Variants in PTK2 observed in about 807,000 individuals in gnomAD.
The protein encoded by PTK2 is focal adhesion kinase 1.
A neutral mutation model predicts 150.1 loss-of-function variants in PTK2; 45 were observed. The ratio of observed to expected loss-of-function variants is 0.30; its 90% CI spans 0.24 to 0.38. PTK2 has a LOEUF of 0.38. Ranked by LOEUF, PTK2 falls within the 10% of genes least tolerant of loss-of-function variation. The probability of loss-of-function intolerance (pLI) is 1.00; values close to 1 mark genes in which losing one functional copy is unlikely to be tolerated. For synonymous variants in PTK2, 432 were observed against 449.2 expected, an observed-to-expected ratio of 0.96 and a Z score of 0.48; for missense variants, 919 against 1,307.3, an observed-to-expected ratio of 0.70 and a Z score of 4.58.
intron 1 of PTK2, among the ~76,000 whole-genome samples, chr8:140,969,256 C>A (rs2100186387): frequency 1.3e-5 from 2 of 152,102 alleles, no homozygotes; most frequent in African/African-American, 4.8e-5. Flanking sequence ...ACAGGAGGAA[C>A]CAGGAAAACC....
At chr8:140,853,177 C>A (rs1445601759) in intron 5 of PTK2, among the ~76,000 whole-genome samples, 1 of 147,468 alleles carries the variant, frequency 6.8e-6, no homozygotes, top group Non-Finnish European at 1.5e-5. Context: ...CAAACCTTTG[C>A]ATATGATGTC....
chr8:140,760,933 G>A (rs914989635), intron 16 of PTK2, among the ~76,000 whole-genome samples: 1 of 152,108 alleles, frequency 6.6e-6, no homozygotes, highest in African/African-American at 2.4e-5. Context: ...GATGACAAAG[G>A]CTGAAAGATT....
intron 13 of PTK2, among the ~76,000 whole-genome samples, chr8:140,791,025 T>C (rs1029074773): frequency 6.6e-6 from 1 of 152,246 alleles, no homozygotes; most frequent in African/African-American, 2.4e-5. Flanking sequence ...ACAGCAATAA[T>C]GGTGTCCTGC....
chr8:140,675,400 C>G, intron 28 of PTK2, 60 bp downstream of exon 31: 2 of 1,565,508 alleles, frequency 1.3e-6, no homozygotes, highest in Non-Finnish European at 1.8e-6. Context: ...TATATACATT[C>G]AAAACCTGCT....
intron 1 of PTK2, among the ~76,000 whole-genome samples, chr8:140,932,569 T>C (rs1246567314): frequency 6.6e-6 from 1 of 152,166 alleles, no homozygotes; most frequent in African/African-American, 2.4e-5. Flanking sequence ...CTAGTTTAAT[T>C]GAAATAATTA....
intron 1 of PTK2, among the ~76,000 whole-genome samples, chr8:140,942,291 A>G (rs1364842193): frequency 6.6e-6 from 1 of 152,244 alleles, no homozygotes; most frequent in Non-Finnish European, 1.5e-5. Context: ...TTTCATCAAT[A>G]TAAGAAATAG....
chr8:140,794,488 A>G (rs546192693), intron 12 of PTK2, among the ~76,000 whole-genome samples: 16 of 152,192 alleles, frequency 1.1e-4, no homozygotes, highest in South Asian at 6.2e-4. Context: ...CATTCTAATC[A>G]GTTCCCCCCC....
At chr8:140,868,642 G>C (rs2100140778) in intron 4 of PTK2, among the ~76,000 whole-genome samples, 1 of 152,180 alleles carries the variant, frequency 6.6e-6, no homozygotes, top group Non-Finnish European at 1.5e-5. Context: ...AATGCAATGA[G>C]AAAGGTATGA....
At chr8:140,971,967 T>TAA (rs2100187422) in intron 1 of PTK2, among the ~76,000 whole-genome samples, 1 of 152,222 alleles carries the variant, frequency 6.6e-6, no homozygotes, top group South Asian at 2.1e-4. Flanking sequence ...AAGGAGAATC[T>TAA]AATAGAATTC....
chr8:140,802,549 T>C (rs1384894392), intron 11 of PTK2, among the ~76,000 whole-genome samples: 1 of 152,232 alleles, frequency 6.6e-6, no homozygotes, highest in Non-Finnish European at 1.5e-5. Context: ...GTACAGTGTT[T>C]ATAGTCTACA....
rs193131471 is a variant in PTK2, at chr8:140,860,763, C to T, written c.450+3549G>A. On this transcript the variant is annotated intron_variant, in intron 5 of 31. Transcript: ENST00000522684. Reference sequence around the variant, plus strand: ...TGCTGGGATCACAGGCGTTAGCCACCGCACCCAGACAATCATAGTATTTTC... The same window carrying T: ...TGCTGGGATCACAGGCGTTAGCCACTGCACCCAGACAATCATAGTATTTTC... Among the ~76,000 whole-genome samples, 228 of 152,292 alleles carry T rather than the reference C, an allele frequency of 1.5e-3. 1 individual carries two copies. The highest frequency in any genetic ancestry group is 6.8e-3 in the Middle Eastern group (2 of 294).
chr8:140,699,814 T>C (rs1293475016), intron 26 of PTK2, among the ~76,000 whole-genome samples: 1 of 152,162 alleles, frequency 6.6e-6, no homozygotes, highest in Non-Finnish European at 1.5e-5. Context: ...GCAAGTTTTT[T>C]TTTTTTCCTT....
chr8:140,848,627 C>G (rs970554264), intron 5 of PTK2, among the ~76,000 whole-genome samples: 27 of 151,990 alleles, frequency 1.8e-4, no homozygotes, highest in Non-Finnish European at 3.8e-4. Context: ...AAGTAAAAAG[C>G]TTTAGGTCTA....
intron 13 of PTK2, among the ~76,000 whole-genome samples, 174 bp downstream of exon 13, chr8:140,793,180 C>T (rs1041145816): frequency 2.6e-5 from 4 of 152,108 alleles, no homozygotes; most frequent in African/African-American, 9.7e-5. Context: ...TTTGATTAAG[C>T]CTAAATACTT....
chr8:140,787,449 A>T (rs562939939), intron 14 of PTK2, among the ~76,000 whole-genome samples: 24 of 152,348 alleles, frequency 1.6e-4, no homozygotes, highest in African/African-American at 5.8e-4. Context: ...AATGCCAGCT[A>T]ACTTTATTCC....
rs533089786 is a variant in PTK2 at position 140,679,003 on chromosome 8, GTTTTTTTTTTTTTTTTTTTTT to G, written c.2563-3525_2563-3505del. On this transcript the variant is annotated intron_variant, in intron 27 of 31. Coordinates refer to ENST00000522684, the Ensembl canonical transcript of PTK2. The stretch of plus-strand genomic sequence containing the variant: ...TCACGGCCAGCTGAGTGCTCCCCAT[GTTTTTTTTTTTTTTTTTTTTT>G]TTTTTTTTTTTTTTTTTTGAGACGG... Among the ~76,000 whole-genome samples the G allele has an allele frequency of 1.9e-3, 134 of 69,002 alleles. 1 individual carries two copies. Among genetic ancestry groups the G allele is most frequent in the South Asian group, 7.3e-3 (13 of 1,778 alleles). The allele number at this position is 69,002 out of a possible 152,430, so 45.3% of individuals were successfully genotyped here. A position where few individuals can be genotyped will look rare whatever the true frequency, so the allele number is the denominator to read the frequency against.
chr8:140,908,830 A>C (rs984246417), intron 2 of PTK2, among the ~76,000 whole-genome samples: 2 of 152,220 alleles, frequency 1.3e-5, no homozygotes, highest in Non-Finnish European at 2.9e-5. Context: ...CCAAGGAGAG[A>C]GAAAACATGC....
At chr8:140,676,943 CAA>C (rs71320398) in intron 27 of PTK2, among the ~76,000 whole-genome samples, 4,463 of 85,872 alleles carry the variant, frequency 0.052, 218 homozygotes, top group African/African-American at 0.18. Context: ...GACTCCATCT[CAA>C]AAAAAAAAAA....
At chr8:140,976,274 C>A (rs1404449498) in intron 1 of PTK2, among the ~76,000 whole-genome samples, 1 of 152,194 alleles carries the variant, frequency 6.6e-6, no homozygotes, top group Non-Finnish European at 1.5e-5. Context: ...ACAAAAATCA[C>A]AATACCTAGA....
Sources: allele counts gnomAD v4.1 joint callset (sites outside exome capture counted in the v4.1 genomes callset), GRCh38; gene constraint gnomAD v4.1.1; transcripts MANE v1.5; gene names NCBI Gene and HGNC (gene_info 2026-07-23, HGNC 2026-07-21).